The following EXT1 variants were observed in gnomAD, a reference collection of about 807,000 sequenced individuals.
The protein encoded by EXT1 is exostosin glycosyltransferase 1, also known as exostosin-1.
In EXT1, 20 loss-of-function variants were observed where a neutral mutation model predicts 82.5. The ratio of observed to expected loss-of-function variants is 0.24; its 90% CI spans 0.17 to 0.35. EXT1 has a LOEUF of 0.35. Among genes scored for constraint, EXT1 ranks in the 10% least tolerant of loss-of-function variants. The pLI, the probability that EXT1 is intolerant of heterozygous loss-of-function variation, is 1.00. For missense variants in EXT1, 757 were observed against 936.5 expected (o/e 0.81, Z 2.50); for synonymous variants, 348 against 350.8 (o/e 0.99, Z 0.09).
At chr8:117,952,205 T>TCTGTCTTTATTTTAAATA (rs1175706753) in intron 1 of EXT1, among the ~76,000 whole-genome samples, 8 of 152,218 alleles carry the variant, frequency 5.3e-5, no homozygotes, top group Admixed American at 5.2e-4. Flanking sequence ...TAAATACACA[T>TCTGTCTTTATTTTAAATA]CACCACATTC....
intron 1 of EXT1, among the ~76,000 whole-genome samples, chr8:117,986,754 A>G (rs547123166): frequency 1.1e-4 from 17 of 152,320 alleles, no homozygotes; most frequent in Middle Eastern, 3.4e-3. Context: ...ATGCATCCCC[A>G]TAGCATGGAA....
At chr8:117,813,188 A>G (rs911545341) in intron 7 of EXT1, among the ~76,000 whole-genome samples, 2 of 152,192 alleles carry the variant, frequency 1.3e-5, no homozygotes, top group African/African-American at 4.8e-5. Flanking sequence ...CAAAGAGGGT[A>G]CAAAGATAAA....
intron 1 of EXT1, among the ~76,000 whole-genome samples, chr8:117,879,197 A>G (rs1040495120): frequency 6.6e-6 from 1 of 152,204 alleles, no homozygotes; most frequent in African/African-American, 2.4e-5. Context: ...GACTACCAAA[A>G]AAGATGTGGA....
At chr8:118,048,214 T>C (rs1239309654) in intron 1 of EXT1, among the ~76,000 whole-genome samples, 1 of 152,092 alleles carries the variant, frequency 6.6e-6, no homozygotes, top group Non-Finnish European at 1.5e-5. Flanking sequence ...GAGAAACCTT[T>C]CCTAAAGTGA....
At chr8:118,079,060 C>A (rs925824454) in intron 1 of EXT1, among the ~76,000 whole-genome samples, 1 of 152,144 alleles carries the variant, frequency 6.6e-6, no homozygotes, top group East Asian at 1.9e-4. Context: ...ACTAAAAATA[C>A]GTCCCTCATA....
Position 117,798,065 on chromosome 8 carries a change from A to G in EXT1, c.*1647T>C, listed in dbSNP as rs975356431. 2 of 152,210 alleles carry G rather than the reference A, an allele frequency of 1.3e-5. No homozygotes were observed. Among genetic ancestry groups the G allele is most frequent in the African/African-American group, 4.8e-5 (2 of 41,452 alleles). 9.4% of individuals were successfully genotyped at this position (152,210 alleles called of 1,614,324 possible). The stretch of plus-strand genomic sequence containing the variant: ...ACAGCACCATCCCCGTGCTATCATT[A>G]CAAGCTCCTCTTCCTCTCCCAGATG... On this transcript the variant is annotated 3_prime_UTR_variant, in exon 11 of 11. Transcript: ENST00000378204.
chr8:118,090,777 TCAAAAAAAAAAA>T (rs1817508882), intron 1 of EXT1, among the ~76,000 whole-genome samples: 1 of 12,770 alleles, frequency 7.8e-5, no homozygotes, highest in African/African-American at 4.3e-4. Context: ...AGATTCTGTC[TCAAAAAAAAAAA>T]AAAAAAAAAA....
intron 1 of EXT1, among the ~76,000 whole-genome samples, chr8:118,027,439 A>T: frequency 6.6e-6 from 1 of 152,186 alleles, no homozygotes; most frequent in East Asian, 1.9e-4. Flanking sequence ...TGAATTTAAC[A>T]GATCTGGCTC....
chr8:117,955,273 A>G (rs1483737258), intron 1 of EXT1, among the ~76,000 whole-genome samples: 5 of 152,180 alleles, frequency 3.3e-5, no homozygotes, highest in Non-Finnish European at 7.4e-5. Context: ...AGGGGGTTTC[A>G]TCACATAGGC....
chr8:118,002,054 A>G (rs1011164963), intron 1 of EXT1, among the ~76,000 whole-genome samples: 1 of 152,352 alleles, frequency 6.6e-6, no homozygotes, highest in East Asian at 1.9e-4. Context: ...ACAAAGTAAA[A>G]TAGTCATTTT....
At chr8:118,051,270 C>G (rs1216050938) in intron 1 of EXT1, among the ~76,000 whole-genome samples, 2 of 151,842 alleles carry the variant, frequency 1.3e-5, no homozygotes, top group African/African-American at 2.4e-5. Flanking sequence ...GCTCGGAGGT[C>G]GAGGCTGCAG....
At chr8:118,093,262 T>A (rs1586269327) in intron 1 of EXT1, among the ~76,000 whole-genome samples, 1 of 66,544 alleles carries the variant, frequency 1.5e-5, no homozygotes, top group African/African-American at 6.1e-5. Context: ...CCAGAAAAAT[T>A]CCCAGCAAAA....
chr8:117,939,587 GAA>G (rs1814235257), intron 1 of EXT1, among the ~76,000 whole-genome samples: 1 of 120,280 alleles, frequency 8.3e-6, no homozygotes, highest in Admixed American at 8.2e-5. Context: ...AAAAAAAAAA[GAA>G]AAAGAAAAAA....
intron 1 of EXT1, among the ~76,000 whole-genome samples, chr8:117,980,699 T>TG (rs1815176039): frequency 1.9e-4 from 2 of 10,564 alleles, no homozygotes; most frequent in East Asian, 1.7e-3. Context: ...GTGTTGGTGG[T>TG]TTTTTTTTTT....
chr8:117,899,913 CTG>C (rs1813410244), intron 1 of EXT1, among the ~76,000 whole-genome samples: 1 of 152,156 alleles, frequency 6.6e-6, no homozygotes, highest in African/African-American at 2.4e-5. Flanking sequence ...TAAACTCAAA[CTG>C]TAGTTACATG....
chr8:117,866,793 CAAAAAAAAAAAA>C (rs10709657), intron 1 of EXT1, among the ~76,000 whole-genome samples: 9 of 91,848 alleles, frequency 9.8e-5, no homozygotes, highest in Non-Finnish European at 1.9e-4. Context: ...CTGGCCTACC[CAAAAAAAAAAAA>C]AAAAAAAAAA....
chr8:118,090,320 C>A (rs148330447), intron 1 of EXT1, among the ~76,000 whole-genome samples: 105 of 151,974 alleles, frequency 6.9e-4, no homozygotes, highest in African/African-American at 2.4e-3. Context: ...CTCCAGAGGC[C>A]GAGGTGGGAG....
intron 1 of EXT1, among the ~76,000 whole-genome samples, chr8:117,846,818 G>A (rs1812369785): frequency 6.6e-6 from 1 of 152,140 alleles, no homozygotes; most frequent in Admixed American, 6.5e-5. Context: ...TGTTCTAAGG[G>A]TGTCAGCTCC....
chr8:117,804,974 C>T, intron 9 of EXT1, 81 bp from the exon 10 acceptor site: 1 of 1,321,280 alleles, frequency 7.6e-7, no homozygotes, highest in Non-Finnish European at 1.1e-6. Context: ...AAACACATAC[C>T]CATTCTTTGA....
Sources: gnomAD v4.1 joint callset for allele counts (sites outside exome capture counted in the v4.1 genomes callset) on GRCh38, gnomAD v4.1.1 for gene constraint, MANE v1.5 for transcripts, NCBI Gene and HGNC (gene_info 2026-07-23, HGNC 2026-07-21) for gene names.